The following PKHD1 variants were observed in gnomAD, a reference collection of about 807,000 sequenced individuals.
The protein encoded by PKHD1 is PKHD1 ciliary IPT domain containing fibrocystin/polyductin.
A neutral mutation model predicts 412.0 loss-of-function variants in PKHD1; 291 were observed. The observed-to-expected ratio is 0.71, with a 90% CI of 0.64 to 0.78. PKHD1 has a LOEUF of 0.78. PKHD1 is among the 30% of genes least tolerant of loss of function. The probability of loss-of-function intolerance (pLI) is 0.00; values close to 1 mark genes in which losing one functional copy is unlikely to be tolerated. For missense variants in PKHD1, 4,825 were observed against 4,950.7 expected (o/e 0.97, Z 0.76); for synonymous variants, 1,777 against 1,821.5 (o/e 0.98, Z 0.62).
chr6:52,034,692 GGAT>G lies in PKHD1; in HGVS notation c.3228+896_3228+898del, dbSNP rs1304177168. On this transcript the variant is annotated intron_variant, in intron 28 of 66. Transcript: ENST00000371117. The stretch of plus-strand genomic sequence containing the variant: ...ATGTACCCCCAAAACATAGTTATTA[GGAT>G]GATTAAAGCCCTGTTGTTTACAATA... Among the ~76,000 whole-genome samples the G allele has an allele frequency of 2.0e-5, 3 of 152,178 alleles. No homozygotes were observed. The East Asian group carries it at 5.8e-4, about 29-fold the overall frequency.
chr6:51,652,330 G>A (rs919698188), intron 61 of PKHD1, among the ~76,000 whole-genome samples: 1 of 152,084 alleles, frequency 6.6e-6, no homozygotes, highest in Non-Finnish European at 1.5e-5. Context: ...TTACCCTGTA[G>A]AAGATGGAAT....
chr6:51,949,598 A>T lies in PKHD1; in HGVS notation c.5908+10272T>A, dbSNP rs1400778353. Among the ~76,000 whole-genome samples, 4 of 152,188 alleles carry T rather than the reference A, an allele frequency of 2.6e-5. No homozygotes were observed. In the East Asian group the frequency reaches 5.8e-4, roughly 22 times the overall value. On this transcript the variant is annotated intron_variant, in intron 36 of 66. Coordinates refer to ENST00000371117, the MANE Select transcript of PKHD1 (RefSeq NM_138694.4). ...TGATCCACTGGAGCAGAGCCTGGGA[A>T]GCCTTCGAGGTGGGCTTGTCCCCAG...
At chr6:51,836,730 G>A (rs941027544) in intron 50 of PKHD1, among the ~76,000 whole-genome samples, 2 of 152,120 alleles carry the variant, frequency 1.3e-5, no homozygotes, top group East Asian at 3.9e-4. Context: ...AAACAGAAAC[G>A]AAACCTTTAG....
chr6:51,682,861 T>C (rs778805565), intron 60 of PKHD1, among the ~76,000 whole-genome samples: 3 of 152,054 alleles, frequency 2.0e-5, no homozygotes, highest in Admixed American at 6.6e-5. Flanking sequence ...CAGGCTACCA[T>C]GCACCTCAGT....
At chr6:51,962,730 T>C (rs974922800) in intron 35 of PKHD1, among the ~76,000 whole-genome samples, 6 of 152,108 alleles carry the variant, frequency 3.9e-5, no homozygotes, top group African/African-American at 1.4e-4. Flanking sequence ...CCAAAAGATC[T>C]GCATGGCTCA....
At chr6:51,982,160 G>C (rs1470732887) in intron 35 of PKHD1, among the ~76,000 whole-genome samples, 21 of 32,648 alleles carry the variant, frequency 6.4e-4, no homozygotes, top group South Asian at 1.0e-3. Flanking sequence ...TCTCCGCCCG[G>C]CAGCCACCCC....
At chr6:51,651,103 G>A (rs2150375375) in intron 61 of PKHD1, among the ~76,000 whole-genome samples, 1 of 152,248 alleles carries the variant, frequency 6.6e-6, no homozygotes, top group Non-Finnish European at 1.5e-5. Context: ...TTGAGACGAA[G>A]AGAGGGAAAC....
chr6:51,646,932 C>T (rs527309374), intron 63 of PKHD1, among the ~76,000 whole-genome samples: 1 of 152,296 alleles, frequency 6.6e-6, no homozygotes, highest in African/African-American at 2.4e-5. Context: ...GACCTTGGAA[C>T]TGGCCTGCTT....
At chr6:51,864,135 T>C (rs889514140) in intron 48 of PKHD1, among the ~76,000 whole-genome samples, 1 of 152,006 alleles carries the variant, frequency 6.6e-6, no homozygotes, top group African/African-American at 2.4e-5. Flanking sequence ...ACATTATGAA[T>C]TGAAGAGCAC....
intron 60 of PKHD1, among the ~76,000 whole-genome samples, chr6:51,724,058 A>T (rs1275334520): frequency 6.6e-6 from 1 of 152,176 alleles, no homozygotes; most frequent in Admixed American, 6.5e-5. Context: ...TTATCAACTA[A>T]TCAGGAAAAA....
intron 49 of PKHD1, among the ~76,000 whole-genome samples, chr6:51,852,737 T>G (rs1267036068): frequency 6.6e-6 from 1 of 152,078 alleles, no homozygotes. Context: ...ACCCTGTTTT[T>G]TTTTTTTTCT....
intron 55 of PKHD1, among the ~76,000 whole-genome samples, chr6:51,770,190 T>C (rs1311683659): frequency 1.3e-5 from 2 of 151,850 alleles, no homozygotes; most frequent in Non-Finnish European, 2.9e-5. Flanking sequence ...GATTTTTGTT[T>C]CTGTCAATTT....
intron 33 of PKHD1, among the ~76,000 whole-genome samples, chr6:52,022,012 G>A (rs1361874334): frequency 6.6e-6 from 1 of 152,142 alleles, no homozygotes; most frequent in East Asian, 1.9e-4. Flanking sequence ...AGGCAAATAA[G>A]GTAATCACCT....
intron 56 of PKHD1, among the ~76,000 whole-genome samples, chr6:51,754,148 T>C (rs572671028): frequency 6.6e-6 from 1 of 152,336 alleles, no homozygotes; most frequent in African/African-American, 2.4e-5. Flanking sequence ...TCTCCTGGAT[T>C]AGATTTATTT....
intron 47 of PKHD1, among the ~76,000 whole-genome samples, chr6:51,868,666 T>G (rs190217450): frequency 6.6e-6 from 1 of 152,008 alleles, no homozygotes; most frequent in African/African-American, 2.4e-5. Context: ...AGTCTTCCAA[T>G]CTTTCAGCTT....
At chr6:52,015,056 T>C (rs1448031047) in intron 34 of PKHD1, among the ~76,000 whole-genome samples, 2 of 152,194 alleles carry the variant, frequency 1.3e-5, no homozygotes, top group Admixed American at 6.5e-5. Flanking sequence ...TCTAGTAACC[T>C]ATGTGTGTAC....
At chr6:52,074,506 G>A (rs551831725) in intron 6 of PKHD1, among the ~76,000 whole-genome samples, 52 of 152,248 alleles carry the variant, frequency 3.4e-4, no homozygotes, top group African/African-American at 1.2e-3. Flanking sequence ...CTAAATGATC[G>A]ATTCCCTAGC....
chr6:51,948,448 A>G (rs1250238156), intron 36 of PKHD1, among the ~76,000 whole-genome samples: 1 of 152,040 alleles, frequency 6.6e-6, no homozygotes, highest in African/African-American at 2.4e-5. Flanking sequence ...ACCACCTCCA[A>G]TGTGTATTCC....
At position 51,828,226 on chromosome 6, in the gene PKHD1, T is replaced by C. The variant is rs572336260; in HGVS notation, c.8302+2635A>G. ...GAAAGATACAATGAAGAGTTAGAAC[T>C]CTTGATTTAAATTCTCTGATTTCCT... On this transcript the variant is annotated intron_variant, in intron 52 of 66. Coordinates refer to ENST00000371117, the MANE Select transcript of PKHD1 (RefSeq NM_138694.4). Among the ~76,000 whole-genome samples, 5 of 152,198 alleles carry C rather than the reference T, an allele frequency of 3.3e-5. No homozygotes were observed. In the East Asian group the frequency reaches 9.7e-4, roughly 29 times the overall value.
Sources: allele counts gnomAD v4.1 joint callset (sites outside exome capture counted in the v4.1 genomes callset), GRCh38; gene constraint gnomAD v4.1.1; transcripts MANE v1.5; gene names NCBI Gene and HGNC (gene_info 2026-07-23, HGNC 2026-07-21).